Variants in PAFAH1B1 observed in about 807,000 individuals in gnomAD.
PAFAH1B1 encodes the protein platelet activating factor acetylhydrolase 1b regulatory subunit 1.
A neutral mutation model predicts 57.5 loss-of-function variants in PAFAH1B1; 2 were observed. The ratio of observed to expected loss-of-function variants is 0.03; its 90% CI spans 0.01 to 0.11. PAFAH1B1 has a LOEUF of 0.11. Ranked by LOEUF, PAFAH1B1 falls within the 10% of genes least tolerant of loss-of-function variation. The pLI, the probability that PAFAH1B1 is intolerant of heterozygous loss-of-function variation, is 1.00. For missense variants in PAFAH1B1, 257 were observed against 512.0 expected, an observed-to-expected ratio of 0.50 and a Z score of 4.81; for synonymous variants, 152 against 169.6, an observed-to-expected ratio of 0.90 and a Z score of 0.81.
Position 2,668,311 on chromosome 17 carries a change from G to T in PAFAH1B1, c.399+1113G>T, listed in dbSNP as rs550914567. Among the ~76,000 whole-genome samples the T allele has an allele frequency of 4.0e-5, 6 of 148,506 alleles. No individual in the cohort carries two copies. The Middle Eastern group carries it at 0.022, about 538-fold the overall frequency. On this transcript the variant is annotated intron_variant, in intron 5 of 10. Transcript: ENST00000397195. ...TGCACTCCAGCCTGGGCGACAGAGC[G>T]AGACTGTCTCAAAAAGGTAGTTACA...
At chr17:2,676,691 T>A in intron 9 of PAFAH1B1, 85 bp downstream of exon 9, 1 of 834,400 alleles carries the variant, frequency 1.2e-6, no homozygotes, top group African/African-American at 1.7e-5. Flanking sequence ...TCTTAAATAA[T>A]CTGAATTATT....
intron 1 of PAFAH1B1, among the ~76,000 whole-genome samples, chr17:2,617,240 A>G (rs796384011): frequency 3.9e-5 from 6 of 152,328 alleles, no homozygotes; most frequent in African/African-American, 9.6e-5. Flanking sequence ...TGCCTTTAAT[A>G]CTGGAGTTAG....
chr17:2,671,317 T>C (rs368772477), intron 6 of PAFAH1B1, among the ~76,000 whole-genome samples: 1 of 151,948 alleles, frequency 6.6e-6, no homozygotes. Flanking sequence ...TAAGTGATTC[T>C]CCTGCCTCAG....
chr17:2,646,001 C>T (rs2068763371), intron 2 of PAFAH1B1, among the ~76,000 whole-genome samples: 1 of 151,926 alleles, frequency 6.6e-6, no homozygotes, highest in African/African-American at 2.4e-5. Context: ...ATAACAAAAA[C>T]CTATCAGATA....
At chr17:2,666,630 A>G (rs2069109336) in intron 4 of PAFAH1B1, among the ~76,000 whole-genome samples, 1 of 152,158 alleles carries the variant, frequency 6.6e-6, no homozygotes, top group South Asian at 2.1e-4. Context: ...TACCATATAT[A>G]ATGTGGTTTG....
At chr17:2,653,546 C>T (rs1210060726) in intron 2 of PAFAH1B1, among the ~76,000 whole-genome samples, 2 of 152,082 alleles carry the variant, frequency 1.3e-5, no homozygotes, top group African/African-American at 2.4e-5. Context: ...TTTAAATCTT[C>T]TGGCTCAGTT....
At chr17:2,612,673 A>G (rs938496266) in intron 1 of PAFAH1B1, among the ~76,000 whole-genome samples, 4 of 152,082 alleles carry the variant, frequency 2.6e-5, no homozygotes, top group African/African-American at 7.2e-5. Flanking sequence ...CAGTGGCCTG[A>G]ACACGGCTTC....
In PAFAH1B1 at chr17:2,664,665, G is replaced by GCTCGCTCTCTCTCTCTCTCT. The variant is rs1555526142; in HGVS notation, c.33-704_33-703insGCTCTCTCTCTCTCTCTCTC. On this transcript the variant is annotated intron_variant, in intron 2 of 10. Coordinates refer to ENST00000397195, the MANE Select transcript of PAFAH1B1 (RefSeq NM_000430.4). ...TGATATATATCTATATCTATCTATC[G>GCTCGCTCTCTCTCTCTCTCT]CTCTCTCTCTCTCTCTCTCTCTCTC... 1.0e-3 allele frequency among the ~76,000 whole-genome samples: 86 copies of GCTCGCTCTCTCTCTCTCTCT among 86,082 alleles called. 1 individual carries two copies. The highest frequency in any genetic ancestry group is 2.1e-3 in the African/African-American group (53 of 25,660). The allele number at this position is 86,082 out of a possible 152,430, so 56.5% of individuals were successfully genotyped here. A position where few individuals can be genotyped will look rare whatever the true frequency, so the allele number is the denominator to read the frequency against.
At chr17:2,665,905 C>CT in intron 3 of PAFAH1B1, 111 bp from the exon 4 acceptor site, 2 of 1,177,430 alleles carry the variant, frequency 1.7e-6, no homozygotes, top group East Asian at 3.0e-5. Context: ...CAGCCACTCC[C>CT]TTTTTTTATA....
chr17:2,643,117 T>G (rs548477125), intron 2 of PAFAH1B1, among the ~76,000 whole-genome samples: 1 of 152,258 alleles, frequency 6.6e-6, no homozygotes, highest in East Asian at 1.9e-4. Flanking sequence ...GACAAGAGTC[T>G]CATTCTGTCT....
At chr17:2,637,258 C>A (rs2068636750) in intron 1 of PAFAH1B1, among the ~76,000 whole-genome samples, 2 of 151,766 alleles carry the variant, frequency 1.3e-5, no homozygotes, top group Admixed American at 1.3e-4. Flanking sequence ...TTATATATAC[C>A]AGTAGCCTCT....
At chr17:2,611,469 G>C (rs1216894989) in intron 1 of PAFAH1B1, among the ~76,000 whole-genome samples, 1 of 149,058 alleles carries the variant, frequency 6.7e-6, no homozygotes, top group African/African-American at 2.5e-5. Flanking sequence ...CTCCGTCTCG[G>C]GGCAAAAAAA....
intron 7 of PAFAH1B1, among the ~76,000 whole-genome samples, chr17:2,673,128 GGTGTTGCA>G (rs1656694358): frequency 6.6e-6 from 1 of 152,052 alleles, no homozygotes; most frequent in African/African-American, 2.4e-5. Flanking sequence ...ATTGTGTTCT[GGTGTTGCA>G]GTCACTTCGA....
At chr17:2,678,848 A>G (rs2069317197) in intron 9 of PAFAH1B1, among the ~76,000 whole-genome samples, 3 of 151,350 alleles carry the variant, frequency 2.0e-5, no homozygotes, top group South Asian at 2.1e-4. Flanking sequence ...TCATGCCACT[A>G]TACTCCAGCC....
In PAFAH1B1 at chr17:2,682,119, A is replaced by C. The variant is rs2069393080; in HGVS notation, c.*317A>C. 1 of 262,046 alleles carries C rather than the reference A, an allele frequency of 3.8e-6. No individual in the cohort carries two copies. Among genetic ancestry groups the C allele is most frequent in the South Asian group, 1.3e-4 (1 of 7,814 alleles). 16.2% of individuals were successfully genotyped at this position (262,046 alleles called of 1,614,324 possible). A position where few individuals can be genotyped will look rare whatever the true frequency, so the allele number is the denominator to read the frequency against. On this transcript the variant is annotated 3_prime_UTR_variant, in exon 11 of 11. Coordinates refer to ENST00000397195, the MANE Select transcript of PAFAH1B1 (RefSeq NM_000430.4). Reference sequence around the variant, plus strand: ...ACTAAACTGAATAGTTGACAGTGTCATTTTATGTTGGATTATTAATTCCTG... The same window carrying C: ...ACTAAACTGAATAGTTGACAGTGTCCTTTTATGTTGGATTATTAATTCCTG...
intron 1 of PAFAH1B1, among the ~76,000 whole-genome samples, chr17:2,597,403 CTTT>C (rs1187594089): frequency 3.9e-3 from 251 of 64,376 alleles, no homozygotes; most frequent in African/African-American, 0.015. Context: ...ACATCCGTGT[CTTT>C]TTTTTTTTTT....
At chr17:2,632,386 A>G (rs902610910) in intron 1 of PAFAH1B1, among the ~76,000 whole-genome samples, 1 of 152,238 alleles carries the variant, frequency 6.6e-6, no homozygotes, top group Admixed American at 6.5e-5. Flanking sequence ...CTCTAGATCT[A>G]AATTAAGTCT....
At chr17:2,626,761 G>T (rs1260962337) in intron 1 of PAFAH1B1, among the ~76,000 whole-genome samples, 1 of 151,970 alleles carries the variant, frequency 6.6e-6, no homozygotes, top group Non-Finnish European at 1.5e-5. Flanking sequence ...CACCATATTG[G>T]CCAGGCTGGT....
chr17:2,600,643 A>G (rs1285367152), intron 1 of PAFAH1B1, among the ~76,000 whole-genome samples: 3 of 150,272 alleles, frequency 2.0e-5, no homozygotes, highest in South Asian at 4.1e-4. Flanking sequence ...ATTTCTTTTC[A>G]TATTTTTATT....
Sources: gnomAD v4.1 joint callset for allele counts (sites outside exome capture counted in the v4.1 genomes callset) on GRCh38, gnomAD v4.1.1 for gene constraint, MANE v1.5 for transcripts, NCBI Gene and HGNC (gene_info 2026-07-23, HGNC 2026-07-21) for gene names.